Variants in ZMAT4 observed in about 807,000 individuals in gnomAD.
The protein encoded by ZMAT4 is zinc finger matrin-type protein 4.
ZMAT4 carries 17 observed loss-of-function variants against 28.7 expected under a neutral mutation model. That is an observed-to-expected ratio of 0.59 (90% CI 0.41 to 0.89). ZMAT4 has a LOEUF of 0.89. ZMAT4 is among the 40% of genes least tolerant of loss of function. ZMAT4 has a pLI of 0.00. For synonymous variants in ZMAT4, 117 were observed against 109.2 expected (o/e 1.07, Z -0.44); for missense variants, 240 against 283.8 (o/e 0.85, Z 1.11).
chr8:40,651,227 A>T (rs1193545038), intron 5 of ZMAT4, among the ~76,000 whole-genome samples: 2 of 152,138 alleles, frequency 1.3e-5, no homozygotes, highest in Non-Finnish European at 2.9e-5. Context: ...ACTTCAGCCA[A>T]GTCTCAGGAT....
intron 1 of ZMAT4, among the ~76,000 whole-genome samples, chr8:40,868,071 C>A (rs1051511122): frequency 6.6e-5 from 10 of 152,128 alleles, no homozygotes; most frequent in Middle Eastern, 3.4e-3. Flanking sequence ...AATATATTAA[C>A]AAATACATTA....
At chr8:40,627,413 C>T (rs377567275) in intron 5 of ZMAT4, among the ~76,000 whole-genome samples, 10 of 152,166 alleles carry the variant, frequency 6.6e-5, no homozygotes, top group South Asian at 4.1e-4. Context: ...TACACACAAA[C>T]GTGTATATAC....
chr8:40,579,127 A>G (rs1804367101), intron 6 of ZMAT4, among the ~76,000 whole-genome samples: 1 of 152,192 alleles, frequency 6.6e-6, no homozygotes, highest in Non-Finnish European at 1.5e-5. Flanking sequence ...AATACCTAGC[A>G]CAGATTCTAG....
chr8:40,534,707 G>A (rs1802793093), intron 6 of ZMAT4, among the ~76,000 whole-genome samples: 1 of 114,358 alleles, frequency 8.7e-6, no homozygotes, highest in South Asian at 2.9e-4. Flanking sequence ...TTTTGAGACT[G>A]AGTCACGCTT....
intron 4 of ZMAT4, chr8:40,696,989 C>T (rs1356488779): frequency 2.7e-6 from 1 of 371,954 alleles, no homozygotes; most frequent in Non-Finnish European, 4.8e-6. Flanking sequence ...ATGCACACAG[C>T]TCTTCAGCAG....
At chr8:40,614,567 T>G (rs1805927211) in intron 5 of ZMAT4, among the ~76,000 whole-genome samples, 1 of 152,226 alleles carries the variant, frequency 6.6e-6, no homozygotes, top group African/African-American at 2.4e-5. Flanking sequence ...TCTAAGTCTC[T>G]TTGTAAGTCT....
chr8:40,562,652 AT>A (rs1161978136), intron 6 of ZMAT4, among the ~76,000 whole-genome samples: 1 of 152,028 alleles, frequency 6.6e-6, no homozygotes, highest in Non-Finnish European at 1.5e-5. Flanking sequence ...TACCCCAGCC[AT>A]TGTGGTAATC....
intron 6 of ZMAT4, among the ~76,000 whole-genome samples, chr8:40,555,177 C>A (rs1255532847): frequency 2.0e-5 from 3 of 152,114 alleles, no homozygotes; most frequent in Admixed American, 2.0e-4. Flanking sequence ...AAATAATATT[C>A]CATTGTGTAT....
chr8:40,672,377 A>G (rs921870891), intron 5 of ZMAT4, among the ~76,000 whole-genome samples: 25 of 152,064 alleles, frequency 1.6e-4, no homozygotes, highest in African/African-American at 6.0e-4. Context: ...TTTATTCTTA[A>G]GCTTTTGCAA....
At chr8:40,831,834 C>T (rs1349865929) in intron 1 of ZMAT4, among the ~76,000 whole-genome samples, 1 of 152,152 alleles carries the variant, frequency 6.6e-6, no homozygotes, top group Non-Finnish European at 1.5e-5. Flanking sequence ...CAGGACCTGG[C>T]CCCTTGTGAG....
At chr8:40,881,780 G>C (rs1818287184) in intron 1 of ZMAT4, among the ~76,000 whole-genome samples, 1 of 152,106 alleles carries the variant, frequency 6.6e-6, no homozygotes. Flanking sequence ...GCGCGAAGTT[G>C]ATTGTATTTT....
chr8:40,540,351 T>C (rs2118375755), intron 6 of ZMAT4, among the ~76,000 whole-genome samples: 1 of 152,234 alleles, frequency 6.6e-6, no homozygotes, highest in East Asian at 1.9e-4. Context: ...TAAAATCCTG[T>C]CTTACTCACC....
At chr8:40,613,870 G>T (rs1805896302) in intron 5 of ZMAT4, among the ~76,000 whole-genome samples, 1 of 152,178 alleles carries the variant, frequency 6.6e-6, no homozygotes, top group African/African-American at 2.4e-5. Context: ...AAGTGTGGGA[G>T]AGTTGGCTTT....
intron 5 of ZMAT4, among the ~76,000 whole-genome samples, chr8:40,601,280 C>T (rs956273859): frequency 1.3e-5 from 2 of 151,184 alleles, no homozygotes; most frequent in African/African-American, 2.4e-5. Flanking sequence ...AAACTGCAGT[C>T]CAGGGTACTA....
intron 1 of ZMAT4, among the ~76,000 whole-genome samples, chr8:40,891,830 C>G (rs1473541841): frequency 6.6e-6 from 1 of 152,208 alleles, no homozygotes; most frequent in Non-Finnish European, 1.5e-5. Flanking sequence ...CTCTTGATGC[C>G]TAGCTCATCA....
intron 2 of ZMAT4, among the ~76,000 whole-genome samples, chr8:40,815,781 G>A (rs1444766740): frequency 6.6e-6 from 1 of 152,194 alleles, no homozygotes. Flanking sequence ...CAGGGGAAAT[G>A]AAGAGAAAAG....
intron 3 of ZMAT4, among the ~76,000 whole-genome samples, chr8:40,728,792 A>T (rs1379916184): frequency 6.6e-6 from 1 of 152,166 alleles, no homozygotes; most frequent in Non-Finnish European, 1.5e-5. Context: ...TCAGAACAAG[A>T]CGCCAACCAT....
At chr8:40,705,517 C>G (rs1445329923) in intron 3 of ZMAT4, among the ~76,000 whole-genome samples, 1 of 152,070 alleles carries the variant, frequency 6.6e-6, no homozygotes, top group Non-Finnish European at 1.5e-5. Flanking sequence ...AAATACAGTA[C>G]AAGCTGTAAA....
chr8:40,545,045 T>C (rs1803156240), intron 6 of ZMAT4, among the ~76,000 whole-genome samples: 2 of 152,210 alleles, frequency 1.3e-5, no homozygotes, highest in Admixed American at 1.3e-4. Context: ...ACTGTGATCA[T>C]TGTGAGTTGC....
Sources: gnomAD v4.1 joint callset for allele counts (sites outside exome capture counted in the v4.1 genomes callset) on GRCh38, gnomAD v4.1.1 for gene constraint, MANE v1.5 for transcripts, NCBI Gene and HGNC (gene_info 2026-07-23, HGNC 2026-07-21) for gene names.